Variants in ELK3 observed in about 807,000 individuals in gnomAD.
The protein encoded by ELK3 is ETS domain-containing protein Elk-3.
In ELK3, 10 loss-of-function variants were observed where a neutral mutation model predicts 28.9. The observed-to-expected ratio is 0.35, with a 90% CI of 0.21 to 0.59. The LOEUF (loss-of-function observed/expected upper bound fraction) is 0.59. Among genes scored for constraint, ELK3 ranks in the 20% least tolerant of loss-of-function variants. The probability of loss-of-function intolerance (pLI) is 0.82; values close to 1 mark genes in which losing one functional copy is unlikely to be tolerated. For synonymous variants in ELK3, 272 were observed against 243.5 expected (o/e 1.12, Z -1.09); for missense variants, 463 against 517.3 (o/e 0.90, Z 1.02).
chr12:96,227,727 C>A (rs938775596), intron 2 of ELK3, among the ~76,000 whole-genome samples: 1 of 152,182 alleles, frequency 6.6e-6, no homozygotes, highest in African/African-American at 2.4e-5. Context: ...ATTATAATAA[C>A]GAGGTAGTTA....
At chr12:96,230,060 C>T (rs566267949) in intron 2 of ELK3, among the ~76,000 whole-genome samples, 105 of 152,286 alleles carry the variant, frequency 6.9e-4, no homozygotes, top group Admixed American at 9.2e-4. Context: ...CAGTGGGCCA[C>T]GTATATAACA....
At chr12:96,220,688 G>A (rs1049212112) in intron 1 of ELK3, among the ~76,000 whole-genome samples, 24 of 151,962 alleles carry the variant, frequency 1.6e-4, no homozygotes, top group African/African-American at 4.1e-4. Flanking sequence ...CACCACAGCC[G>A]GCCTTTCTCA....
intron 1 of ELK3, 34 bp from the exon 2 acceptor site, chr12:96,223,531 C>T (rs1382441042): frequency 6.2e-7 from 1 of 1,608,928 alleles, no homozygotes; most frequent in East Asian, 2.2e-5. Context: ...GGCATCGTGA[C>T]CAGCAGCTCT....
At chr12:96,238,269 G>C (rs561198088) in intron 2 of ELK3, among the ~76,000 whole-genome samples, 1 of 152,352 alleles carries the variant, frequency 6.6e-6, no homozygotes, top group East Asian at 1.9e-4. Flanking sequence ...CACTGACTGC[G>C]TTGAGTCTTT....
chr12:96,195,651 C>CTAAA (rs1951459079), intron 1 of ELK3, among the ~76,000 whole-genome samples: 1 of 151,950 alleles, frequency 6.6e-6, no homozygotes, highest in Non-Finnish European at 1.5e-5. Context: ...GCAAAAGGGG[C>CTAAA]TTTTTAGAAA....
chr12:96,211,713 C>T (rs956358773), intron 1 of ELK3, among the ~76,000 whole-genome samples: 7 of 151,990 alleles, frequency 4.6e-5, no homozygotes, highest in Admixed American at 2.6e-4. Context: ...TATTTTTGTA[C>T]GTTATTTATC....
chr12:96,202,473 T>A (rs1951513408), intron 1 of ELK3, among the ~76,000 whole-genome samples: 1 of 150,926 alleles, frequency 6.6e-6, no homozygotes, highest in African/African-American at 2.4e-5. Context: ...TCACCTAGAG[T>A]AGATCTCCCT....
At chr12:96,194,954 G>A (rs1329371484) in intron 1 of ELK3, among the ~76,000 whole-genome samples, 3 of 149,462 alleles carry the variant, frequency 2.0e-5, no homozygotes, top group Non-Finnish European at 4.5e-5. Context: ...CGGGCCCGGG[G>A]CTGCGGGGAC....
chr12:96,231,047 C>T (rs570373681), intron 2 of ELK3, among the ~76,000 whole-genome samples: 51 of 152,188 alleles, frequency 3.4e-4, no homozygotes, highest in Non-Finnish European at 6.2e-4. Context: ...TGGCTGAGCC[C>T]GTGAGGGGCA....
intron 1 of ELK3, among the ~76,000 whole-genome samples, chr12:96,202,369 C>T (rs1292137576): frequency 2.0e-5 from 3 of 152,072 alleles, no homozygotes; most frequent in Non-Finnish European, 4.4e-5. Context: ...TCCCCCCGAC[C>T]CCTCTATTTT....
rs1952038138 is a variant in ELK3 at position 96,267,080 on chromosome 12, A to G, written c.1126-2A>G. 1.2e-6 allele frequency: 2 copies of G among 1,609,534 alleles called. No homozygotes were observed. The highest frequency in any genetic ancestry group is 1.1e-5 in the South Asian group (1 of 90,146). On this transcript the variant is annotated splice_acceptor_variant, in intron 4 of 4. Transcript: ENST00000228741. LOFTEE classifies it high-confidence loss of function. ...ATTGTAAAAATCTTTTGTCCCCTAC[A>G]GTTCCCCACACTGCTTAATGGCCAC...
chr12:96,201,201 C>T (rs139724040), intron 1 of ELK3, among the ~76,000 whole-genome samples: 12 of 152,090 alleles, frequency 7.9e-5, no homozygotes, highest in African/African-American at 1.2e-4. Context: ...ACCTGATATC[C>T]GCAAAATATT....
intron 1 of ELK3, among the ~76,000 whole-genome samples, chr12:96,212,032 C>T (rs887218303): frequency 5.9e-5 from 9 of 152,184 alleles, no homozygotes; most frequent in South Asian, 2.1e-4. Flanking sequence ...TTTTCTTGGG[C>T]GATAAGAACC....
At chr12:96,206,339 CAG>C (rs1189098113) in intron 1 of ELK3, among the ~76,000 whole-genome samples, 7 of 150,714 alleles carry the variant, frequency 4.6e-5, no homozygotes, top group African/African-American at 1.2e-4. Context: ...TTTTTTGAGA[CAG>C]AGTCTCACTC....
chr12:96,218,599 A>G (rs1951637710), intron 1 of ELK3, among the ~76,000 whole-genome samples: 1 of 150,622 alleles, frequency 6.6e-6, no homozygotes, highest in Non-Finnish European at 1.5e-5. Context: ...ATGCATGTAT[A>G]CCCCCTGAAT....
intron 4 of ELK3, among the ~76,000 whole-genome samples, chr12:96,260,506 T>C (rs933474202): frequency 6.6e-6 from 1 of 152,190 alleles, no homozygotes; most frequent in African/African-American, 2.4e-5. Flanking sequence ...GGCATTTGGT[T>C]AAAAAATAAT....
At chr12:96,231,526 C>T (rs1951741654) in intron 2 of ELK3, among the ~76,000 whole-genome samples, 1 of 152,176 alleles carries the variant, frequency 6.6e-6, no homozygotes, top group Non-Finnish European at 1.5e-5. Context: ...CAGTTTCACT[C>T]CTGTTGGCCA....
At chr12:96,203,300 A>G (rs2137000394) in intron 1 of ELK3, among the ~76,000 whole-genome samples, 1 of 152,324 alleles carries the variant, frequency 6.6e-6, no homozygotes, top group Middle Eastern at 3.4e-3. Flanking sequence ...GGCATCCCTC[A>G]TGATCTGAAG....
chr12:96,204,930 T>C (rs1259862607), intron 1 of ELK3, among the ~76,000 whole-genome samples: 3 of 152,304 alleles, frequency 2.0e-5, no homozygotes, highest in South Asian at 4.1e-4. Context: ...CTTGTTGGAG[T>C]TGATTCACAG....
Sources: gnomAD v4.1 joint callset for allele counts (sites outside exome capture counted in the v4.1 genomes callset) on GRCh38, gnomAD v4.1.1 for gene constraint, MANE v1.5 for transcripts, NCBI Gene and HGNC (gene_info 2026-07-23, HGNC 2026-07-21) for gene names.